USP32: variants seen among roughly 807,000 people sequenced by gnomAD.
The protein encoded by USP32 is ubiquitin carboxyl-terminal hydrolase 32.
In USP32, 59 loss-of-function variants were observed where a neutral mutation model predicts 204.8. That is an observed-to-expected ratio of 0.29 (90% CI 0.23 to 0.36). USP32 has a LOEUF of 0.36. USP32 is among the 10% of genes least tolerant of loss of function. The pLI is 1.00. For synonymous variants in USP32, 517 were observed against 678.4 expected, an observed-to-expected ratio of 0.76 and a Z score of 3.70; for missense variants, 1,160 against 1,946.4, an observed-to-expected ratio of 0.60 and a Z score of 7.60.
chr17:60,401,851 A>C lies in USP32; in HGVS notation c.106+20395T>G, dbSNP rs528494108. ...GTAGATAATATTAACAAACAAATCA[A>C]TTCATGCAAAAATCTAAGGGAGCAG... is the stretch of plus-strand genomic sequence containing the variant. On this transcript the variant is annotated intron_variant, in intron 1 of 3. Coordinates refer to the USP32 transcript ENST00000588898. Among the ~76,000 whole-genome samples the C allele has an allele frequency of 3.9e-5, 6 of 152,342 alleles. No individual in the cohort carries two copies. In the East Asian group the frequency reaches 7.7e-4, roughly 20 times the overall value.
chr17:60,212,322 G>T (rs1004339635), intron 18 of USP32, among the ~76,000 whole-genome samples: 1 of 152,160 alleles, frequency 6.6e-6, no homozygotes, highest in African/African-American at 2.4e-5. Context: ...ACAAACCTAG[G>T]CTATGTATGG....
In USP32 at chr17:60,357,922, C is replaced by A. The variant is rs553784381; in HGVS notation, c.59-12314G>T. On this transcript the variant is annotated intron_variant, in intron 1 of 33. Coordinates refer to ENST00000300896, the MANE Select transcript of USP32 (RefSeq NM_032582.4). Reference sequence around the variant, plus strand: ...TAACTGGGATTACAGGCATGTGCCACCACACCCAGCTAATTTTGTATTTTT... The same window carrying A: ...TAACTGGGATTACAGGCATGTGCCAACACACCCAGCTAATTTTGTATTTTT... Among the ~76,000 whole-genome samples, 208 of 152,248 alleles carry A rather than the reference C, an allele frequency of 1.4e-3. 2 individuals are homozygous for A. The highest frequency in any genetic ancestry group is 4.5e-3 in the African/African-American group (186 of 41,554).
chr17:60,377,364 A>G (rs1017163775), intron 1 of USP32, among the ~76,000 whole-genome samples: 6 of 152,230 alleles, frequency 3.9e-5, no homozygotes, highest in African/African-American at 9.6e-5. Flanking sequence ...AGTGCCTACA[A>G]AAGCAGAAGA....
At chr17:60,242,411 G>T (rs1013476403) in intron 11 of USP32, among the ~76,000 whole-genome samples, 3 of 151,976 alleles carry the variant, frequency 2.0e-5, no homozygotes, top group Non-Finnish European at 4.4e-5. Flanking sequence ...AAATATAAGG[G>T]TTTCCTTTTT....
intron 26 of USP32, 46 bp from the exon 27 acceptor site, chr17:60,198,490 T>TA: frequency 6.2e-7 from 1 of 1,601,424 alleles, no homozygotes; most frequent in South Asian, 1.1e-5. Flanking sequence ...GACAGGCCTC[T>TA]GATTCCTCCC....
chr17:60,365,498 A>G (rs1266166550), intron 1 of USP32, among the ~76,000 whole-genome samples: 1 of 151,872 alleles, frequency 6.6e-6, no homozygotes, highest in Non-Finnish European at 1.5e-5. Context: ...TAAATAAATA[A>G]ATAAATAAAT....
intron 1 of USP32, among the ~76,000 whole-genome samples, chr17:60,387,743 C>T (rs1479719414): frequency 1.3e-5 from 2 of 152,070 alleles, no homozygotes; most frequent in African/African-American, 4.8e-5. Context: ...ATTTAATACA[C>T]CAAATTTACT....
Position 60,185,458 on chromosome 17 carries a change from A to G in USP32, c.3834+2T>C. 6.2e-7 allele frequency: 1 copy of G among 1,602,640 alleles called. No homozygotes were observed. Among genetic ancestry groups the G allele is most frequent in the Non-Finnish European group, 8.5e-7 (1 of 1,172,294 alleles). On this transcript the variant is annotated splice_donor_variant, in intron 30 of 33. Coordinates refer to ENST00000300896, the MANE Select transcript of USP32 (RefSeq NM_032582.4). LOFTEE classifies it high-confidence loss of function. ...TCTCTCAGAGGCAGGACTGTAACAT[A>G]CCAGGATGGGTGGAAGCCTCCAGAG...
intron 1 of USP32, among the ~76,000 whole-genome samples, chr17:60,386,790 T>C (rs2089739345): frequency 6.6e-6 from 1 of 152,158 alleles, no homozygotes; most frequent in Non-Finnish European, 1.5e-5. Context: ...CCAGAGTTCA[T>C]CAATATATTT....
At chr17:60,216,769 T>C (rs1482705147) in intron 16 of USP32, among the ~76,000 whole-genome samples, 3 of 152,162 alleles carry the variant, frequency 2.0e-5, no homozygotes, top group African/African-American at 7.2e-5. Context: ...CATCATGTTA[T>C]GGCAGAACAA....
At position 60,179,364 on chromosome 17, in the gene USP32, A is replaced by T; in HGVS notation, c.4706T>A (p.Ile1569Lys). 1 of 1,613,494 alleles carries T rather than the reference A, an allele frequency of 6.2e-7. No individual in the cohort carries two copies. The highest frequency in any genetic ancestry group is 8.5e-7 in the Non-Finnish European group (1 of 1,179,880). Residue 1569 changes from isoleucine to lysine, a missense_variant, in exon 34 of 34, where the codon ATA becomes AAA. Ile to Lys is a moderately radical substitution (Grantham distance 102). Coordinates refer to ENST00000300896, the MANE Select transcript of USP32 (RefSeq NM_032582.4). The stretch of plus-strand genomic sequence containing the variant: ...CTTTGGCAGAAATTGTGCATAGTCT[A>T]TCCCCTGCTGCTCATAGAAAAGAAT... ...AYILFYEQQG[I>K]DYAQFLPKTD...
At chr17:60,266,173 TA>T in intron 7 of USP32, 82 bp from the exon 8 acceptor site, 1 of 1,050,978 alleles carries the variant, frequency 9.5e-7, no homozygotes, top group Non-Finnish European at 1.4e-6. Flanking sequence ...TGCCCTTGTA[TA>T]ATTACTTAGT....
rs200946847 is a variant in USP32, at chr17:60,212,025, C to T, written c.2178G>A (p.Lys726=). ...IANSSKIDRH[K]VPTEKGATGL... ...TAAAAAATAATACTGGAGACTTACC[C>T]TTGTGTCTATCTATTTTACTACTAT... Residue 726 remains lysine, a splice_region_variant and synonymous_variant, in exon 19 of 34, where the codon AAG becomes AAA. Coordinates refer to ENST00000300896, the MANE Select transcript of USP32 (RefSeq NM_032582.4). The T allele has an allele frequency of 4.4e-4, 697 of 1,580,820 alleles. 1 individual carries two copies. The East Asian group carries it at 4.9e-3, about 11-fold the overall frequency.
upstream of USP32, among the ~76,000 whole-genome samples, chr17:60,393,249 G>A (rs1206824110): frequency 6.6e-6 from 1 of 152,070 alleles, no homozygotes; most frequent in Non-Finnish European, 1.5e-5. Context: ...ACTTGGCATC[G>A]TGCCTTCCAG....
intron 12 of USP32, among the ~76,000 whole-genome samples, chr17:60,228,807 G>C (rs970194060): frequency 6.6e-6 from 1 of 151,490 alleles, no homozygotes; most frequent in African/African-American, 2.4e-5. Context: ...CAGAGCAACA[G>C]AGCGAGACTC....
At chr17:60,234,716 G>C (rs12945354) in intron 12 of USP32, among the ~76,000 whole-genome samples, 1 of 151,530 alleles carries the variant, frequency 6.6e-6, no homozygotes, top group Admixed American at 6.6e-5. Flanking sequence ...GGCGACAAAA[G>C]CAAGACTCCG....
intron 5 of USP32, among the ~76,000 whole-genome samples, chr17:60,277,949 C>G (rs566091401): frequency 1.7e-4 from 24 of 137,200 alleles, no homozygotes; most frequent in Admixed American, 1.7e-3. Flanking sequence ...GAGACAGGGT[C>G]TCACTCTGTC....
In USP32 at chr17:60,181,430, T is replaced by C. The variant is rs780021084; in HGVS notation, c.4442A>G (p.Asn1481Ser). 5.8e-5 allele frequency: 93 copies of C among 1,614,038 alleles called. No homozygotes were observed. Among genetic ancestry groups the C allele is most frequent in the Non-Finnish European group, 7.7e-5 (91 of 1,179,876 alleles). The change falls in exon 32 of 34, where the codon AAT becomes AGT. Residue 1481 changes from asparagine (N) to serine (S), a missense_variant. Around this residue, in one of 8 missense-constraint regions of USP32, gnomAD observed 244 missense variants for 342.3 expected, o/e 0.71. Coordinates refer to ENST00000300896, the MANE Select transcript of USP32 (RefSeq NM_032582.4). Reference protein sequence around the residue: ...GFLYEHEACGNGYSNGQLGNH... With the variant: ...GFLYEHEACGSGYSNGQLGNH... ...TCCAAGCTGACCATTGCTGTAGCCA[T>C]TGCCACATGCTTCATGCTCATAAAG... is the stretch of plus-strand genomic sequence containing the variant.
At chr17:60,351,181 T>C (rs912939126) in intron 1 of USP32, among the ~76,000 whole-genome samples, 2 of 152,096 alleles carry the variant, frequency 1.3e-5, no homozygotes, top group South Asian at 2.1e-4. Context: ...TCAAAGTCTA[T>C]GAGGAGTAGT....
Sources: gnomAD v4.1 joint callset for allele counts (sites outside exome capture counted in the v4.1 genomes callset) on GRCh38, gnomAD v4.1.1 for gene constraint, gnomAD v4.1.1 regional missense constraint, MANE v1.5 for transcripts, NCBI Gene and HGNC (gene_info 2026-07-23, HGNC 2026-07-21) for gene names.